GGNBP2: variants seen among roughly 807,000 people sequenced by gnomAD.
GGNBP2 encodes the protein gametogenetin binding protein 2, also known as gametogenetin-binding protein 2.
In GGNBP2, 10 loss-of-function variants were observed where a neutral mutation model predicts 85.9. That is an observed-to-expected ratio of 0.12 (90% CI 0.07 to 0.20). The LOEUF (loss-of-function observed/expected upper bound fraction) is 0.20. Ranked by LOEUF, GGNBP2 falls within the 10% of genes least tolerant of loss-of-function variation. The pLI, the probability that GGNBP2 is intolerant of heterozygous loss-of-function variation, is 1.00. For missense variants in GGNBP2, 595 were observed against 857.8 expected (o/e 0.69, Z 3.83); for synonymous variants, 287 against 285.7 (o/e 1.00, Z -0.05).
intron 2 of GGNBP2, among the ~76,000 whole-genome samples, chr17:36,548,595 ACAAGAG>A (rs2074276417): frequency 7.4e-6 from 1 of 134,458 alleles, no homozygotes; most frequent in African/African-American, 2.8e-5. Flanking sequence ...AGCCTGGGCA[ACAAGAG>A]CAAGACTCTG....
intron 5 of GGNBP2, 43 bp from the exon 6 acceptor site, chr17:36,567,620 C>T: frequency 9.7e-7 from 1 of 1,032,166 alleles, no homozygotes; most frequent in South Asian, 1.4e-5. Flanking sequence ...AGGTTTTACC[C>T]TTCTGTATTC....
intron 2 of GGNBP2, among the ~76,000 whole-genome samples, chr17:36,552,375 A>G (rs1408753114): frequency 6.6e-6 from 1 of 152,224 alleles, no homozygotes; most frequent in African/African-American, 2.4e-5. Context: ...AAATTTGAGT[A>G]GAGCATGTTA....
chr17:36,572,130 T>C (rs1389544721), intron 6 of GGNBP2, among the ~76,000 whole-genome samples: 1 of 152,314 alleles, frequency 6.6e-6, no homozygotes, highest in African/African-American at 2.4e-5. Context: ...TTTTATATCC[T>C]ATTTTTAACT....
At chr17:36,586,323 C>G (rs986902086) in intron 12 of GGNBP2, 125 bp downstream of exon 12, 4 of 1,203,120 alleles carry the variant, frequency 3.3e-6, no homozygotes, top group African/African-American at 3.1e-5. Flanking sequence ...GTTCTTTATG[C>G]AGTTCCATTG....
In GGNBP2 at chr17:36,589,680, C is replaced by T. The variant is rs1406741530; in HGVS notation, c.*269C>T. 2.1e-5 allele frequency: 10 copies of T among 466,312 alleles called. 1 individual carries two copies. In the South Asian group the frequency reaches 3.4e-4, roughly 16 times the overall value. The allele number at this position is 466,312 out of a possible 1,614,324, so 28.9% of individuals were successfully genotyped here. On this transcript the variant is annotated 3_prime_UTR_variant, in exon 14 of 14. Transcript: ENST00000613102. Reference sequence around the variant, plus strand: ...CTTCCTGTGAGACTTACTAAAGCAACTTAGTGGCAAAAAGTAATGTTGTAC... The same window carrying T: ...CTTCCTGTGAGACTTACTAAAGCAATTTAGTGGCAAAAAGTAATGTTGTAC...
At chr17:36,587,780 G>T (rs371565249) in intron 13 of GGNBP2, among the ~76,000 whole-genome samples, 8 of 152,278 alleles carry the variant, frequency 5.3e-5, no homozygotes, top group African/African-American at 1.9e-4. Context: ...CCAGCTACCC[G>T]GGAGGCTAAG....
chr17:36,573,373 A>C (rs1272045856), intron 6 of GGNBP2, among the ~76,000 whole-genome samples: 1 of 152,280 alleles, frequency 6.6e-6, no homozygotes, highest in South Asian at 2.1e-4. Flanking sequence ...TCGGTCTCCC[A>C]AAGTGCTGGG....
intron 6 of GGNBP2, chr17:36,574,896 T>G: frequency 1.3e-6 from 1 of 794,954 alleles, no homozygotes; most frequent in East Asian, 2.6e-5. Flanking sequence ...TGGATGGCAG[T>G]GGCCACCTCC....
intron 5 of GGNBP2, among the ~76,000 whole-genome samples, chr17:36,562,011 C>T (rs2074421974): frequency 1.3e-5 from 2 of 152,206 alleles, no homozygotes; most frequent in African/African-American, 2.4e-5. Flanking sequence ...TGCTTTTTCA[C>T]TTTCTCCCAG....
At chr17:36,548,555 C>T (rs981450459) in intron 2 of GGNBP2, among the ~76,000 whole-genome samples, 1 of 125,040 alleles carries the variant, frequency 8.0e-6, no homozygotes, top group Non-Finnish European at 1.6e-5. Flanking sequence ...GTGGAGGTTG[C>T]GGTGAGCCGA....
chr17:36,545,502 G>A, intron 1 of GGNBP2, 117 bp from the exon 2 acceptor site: 1 of 449,588 alleles, frequency 2.2e-6, no homozygotes, highest in African/African-American at 2.0e-5. Context: ...GTGTGGAATC[G>A]GGTGATGGGA....
chr17:36,577,080 A>G (rs897253615), intron 6 of GGNBP2: 1 of 152,192 alleles, frequency 6.6e-6, no homozygotes, highest in African/African-American at 2.4e-5. Flanking sequence ...CATCTGGGAG[A>G]TGAATTTAAA....
intron 13 of GGNBP2, 57 bp downstream of exon 13, chr17:36,587,302 G>T (rs1390034635): frequency 1.3e-6 from 2 of 1,568,978 alleles, no homozygotes; most frequent in Non-Finnish European, 1.8e-6. Context: ...GGTGGATGTG[G>T]GAGGGGATAG....
chr17:36,581,796 TC>T, intron 9 of GGNBP2: 1 of 257,498 alleles, frequency 3.9e-6, no homozygotes, highest in Non-Finnish European at 7.2e-6. Context: ...TTCCAGGACT[TC>T]CTGTAGATAC....
intron 6 of GGNBP2, chr17:36,577,502 G>A (rs1567831071): frequency 6.3e-6 from 1 of 158,684 alleles, no homozygotes; most frequent in Non-Finnish European, 1.4e-5. Context: ...CAAATGCTTA[G>A]CTAGTGAAAT....
At chr17:36,560,017 T>A (rs907754673) in intron 4 of GGNBP2, among the ~76,000 whole-genome samples, 8 of 152,058 alleles carry the variant, frequency 5.3e-5, no homozygotes, top group Non-Finnish European at 1.0e-4. Flanking sequence ...GTATTTTTTT[T>A]AGCAGAAATA....
intron 13 of GGNBP2, among the ~76,000 whole-genome samples, chr17:36,588,510 C>T (rs564448441): frequency 7.2e-5 from 11 of 152,326 alleles, no homozygotes; most frequent in African/African-American, 2.4e-4. Context: ...CCCACCTCAG[C>T]CTCCCAAAGT....
chr17:36,581,321 C>T (rs1399282434), intron 8 of GGNBP2, 23 bp from the exon 9 acceptor site: 1 of 1,508,478 alleles, frequency 6.6e-7, no homozygotes. Context: ...CAATATTCAC[C>T]CTCAACCTTA....
In GGNBP2 at chr17:36,586,053, A is replaced by T. The variant is rs765101505; in HGVS notation, c.1496A>T (p.Asp499Val). The change falls in exon 12 of 14, where the codon GAT becomes GTT. Residue 499 changes from aspartate (D) to valine (V), a missense_variant. Asp to Val is a radical substitution (Grantham distance 152). Transcript: ENST00000613102. ...GAAGGATTATTGATTTCTGCAGGTGATGACTCTTGTGTTCATCACTGTGAA... is the reference window on the plus strand; with the variant it reads ...GAAGGATTATTGATTTCTGCAGGTGTTGACTCTTGTGTTCATCACTGTGAA... ...EGICNHDEHGDDSCVHHCEDK... is the reference protein window; with the variant it reads ...EGICNHDEHGVDSCVHHCEDK... The T allele has an allele frequency of 1.2e-6, 2 of 1,613,976 alleles. No individual in the cohort carries two copies. Among genetic ancestry groups the T allele is most frequent in the Non-Finnish European group, 1.7e-6 (2 of 1,179,890 alleles).
Sources: allele counts gnomAD v4.1 joint callset (sites outside exome capture counted in the v4.1 genomes callset), GRCh38; gene constraint gnomAD v4.1.1; transcripts MANE v1.5; gene names NCBI Gene and HGNC (gene_info 2026-07-23, HGNC 2026-07-21).